TNKS2: variants seen among roughly 807,000 people sequenced by gnomAD.
TNKS2 encodes tankyrase 2.
Under a neutral mutation model 137.6 loss-of-function variants are expected in TNKS2, and 72 were observed. The observed-to-expected ratio is 0.52, with a 90% CI of 0.43 to 0.64. The LOEUF is 0.64. Ranked by LOEUF, TNKS2 falls within the 30% of genes least tolerant of loss-of-function variation. The probability of loss-of-function intolerance (pLI) is 0.00; values close to 1 mark genes in which losing one functional copy is unlikely to be tolerated. For synonymous variants in TNKS2, 516 were observed against 512.1 expected (o/e 1.01, Z -0.10); for missense variants, 1,049 against 1,410.2 (o/e 0.74, Z 4.10).
intron 12 of TNKS2, among the ~76,000 whole-genome samples, chr10:91,835,194 T>TG (rs200392865): frequency 7.5e-6 from 1 of 132,734 alleles, no homozygotes; most frequent in African/African-American, 2.6e-5. Context: ...TACTAGCAGA[T>TG]GGAAAAAAAA....
At chr10:91,825,813 G>A (rs1418670330) in intron 7 of TNKS2, among the ~76,000 whole-genome samples, 1 of 152,244 alleles carries the variant, frequency 6.6e-6, no homozygotes, top group Non-Finnish European at 1.5e-5. Flanking sequence ...TGTTAGCAAG[G>A]ATATGTAGCA....
intron 18 of TNKS2, among the ~76,000 whole-genome samples, chr10:91,846,851 A>G (rs1842390922): frequency 6.6e-6 from 1 of 152,164 alleles, no homozygotes. Flanking sequence ...TTCCACCCAT[A>G]TGTTAGTTGA....
chr10:91,846,500 G>T (rs543952756), intron 18 of TNKS2, among the ~76,000 whole-genome samples: 1 of 152,356 alleles, frequency 6.6e-6, no homozygotes, highest in African/African-American at 2.4e-5. Context: ...TGGAGCAGGT[G>T]TAGGAGCTTC....
intron 1 of TNKS2, chr10:91,807,093 A>T: frequency 6.9e-7 from 1 of 1,458,952 alleles, no homozygotes; most frequent in Non-Finnish European, 9.5e-7. Context: ...ACTTAGTTAC[A>T]TAAAGTACTT....
chr10:91,807,590 A>G (rs1844367254), intron 1 of TNKS2, among the ~76,000 whole-genome samples: 1 of 152,222 alleles, frequency 6.6e-6, no homozygotes, highest in Admixed American at 6.5e-5. Context: ...ATACTGTGAT[A>G]CCTTAATTCA....
In TNKS2 at chr10:91,798,686, G is replaced by C. The variant is rs917514216; in HGVS notation, c.-5G>C. On this transcript the variant is annotated 5_prime_UTR_variant, in exon 1 of 27. Transcript: ENST00000371627. ...CTGTTGCTGGCTGTGGCGGCGGCCA[G>C]GATCATGTCGGGTCGCCGCTGCGCC... 8.1e-7 allele frequency: 1 copy of C among 1,228,226 alleles called. No homozygotes were observed. 76.1% of individuals were successfully genotyped at this position (1,228,226 alleles called of 1,614,324 possible).
At chr10:91,826,157 A>G (rs568540213) in intron 7 of TNKS2, among the ~76,000 whole-genome samples, 2 of 152,352 alleles carry the variant, frequency 1.3e-5, no homozygotes, top group South Asian at 4.1e-4. Context: ...CGTTTCATAT[A>G]CACCTTATAC....
chr10:91,858,572 C>T (rs1039877816), intron 24 of TNKS2, among the ~76,000 whole-genome samples: 2 of 152,148 alleles, frequency 1.3e-5, no homozygotes, highest in Non-Finnish European at 2.9e-5. Flanking sequence ...CACTCTACTC[C>T]ACTCCCAAGG....
chr10:91,841,486 C>T (rs758570971), intron 15 of TNKS2, 38 bp downstream of exon 15: 34 of 1,497,532 alleles, frequency 2.3e-5, no homozygotes, highest in Non-Finnish European at 3.1e-5. Flanking sequence ...GTATGAATTA[C>T]ATAGCATATG....
At position 91,845,952 on chromosome 10, in the gene TNKS2, GC is replaced by G. The variant is rs751921709; in HGVS notation, c.2358+13del. ...TAGATTTAGTTTCAGTAAGTGATGG[GC>G]TTTTTGAAAAATCTCAGTGCTTTTC... On this transcript the variant is annotated intron_variant, in intron 18 of 26. Transcript: ENST00000371627. The G allele has an allele frequency of 6.6e-7, 1 of 1,503,874 alleles. No individual in the cohort carries two copies. Among genetic ancestry groups the G allele is most frequent in the Non-Finnish European group, 9.0e-7 (1 of 1,111,960 alleles). 93.2% of individuals were successfully genotyped at this position (1,503,874 alleles called of 1,614,324 possible).
intron 12 of TNKS2, among the ~76,000 whole-genome samples, chr10:91,835,084 T>A (rs1772179): frequency 0.52 from 78,536 of 151,916 alleles, 20,734 homozygotes; most frequent in East Asian, 0.72. Flanking sequence ...ATTCTTAATA[T>A]TTTCCTTGAG....
rs1397735215 is a variant in TNKS2 at position 91,806,062 on chromosome 10, T to A, written c.200-6921T>A. Among the ~76,000 whole-genome samples, 366 of 122,698 alleles carry A rather than the reference T, an allele frequency of 3.0e-3. 3 individuals carry two copies. The highest frequency in any genetic ancestry group is 0.011 in the African/African-American group (342 of 31,264). The allele number at this position is 122,698 out of a possible 152,430, so 80.5% of individuals were successfully genotyped here. On this transcript the variant is annotated intron_variant, in intron 1 of 26. Coordinates refer to ENST00000371627, the MANE Select transcript of TNKS2 (RefSeq NM_025235.4). ...TTTCTCTTTTTTTTTTTTTTTTTTT[T>A]ATATTTTATCTAATATTTTATTTAC...
intron 2 of TNKS2, 134 bp from the exon 3 acceptor site, chr10:91,817,000 C>T (rs1844724909): frequency 1.8e-6 from 1 of 561,088 alleles, no homozygotes; most frequent in African/African-American, 1.9e-5. Flanking sequence ...GTAACATTCC[C>T]ATTCTGACAA....
chr10:91,800,571 T>A (rs1844133530), intron 1 of TNKS2, among the ~76,000 whole-genome samples: 1 of 152,206 alleles, frequency 6.6e-6, no homozygotes, highest in Non-Finnish European at 1.5e-5. Flanking sequence ...GCATATTTTT[T>A]ACATAGGTTT....
At chr10:91,839,129 G>A (rs895726845) in intron 13 of TNKS2, among the ~76,000 whole-genome samples, 2 of 152,046 alleles carry the variant, frequency 1.3e-5, no homozygotes, top group African/African-American at 2.4e-5. Flanking sequence ...GCCTCCCAAC[G>A]TGCTGGGATT....
At chr10:91,847,579 G>GCTGGCCTCAAACTC (rs78217363) in intron 18 of TNKS2, among the ~76,000 whole-genome samples, 105,988 of 151,782 alleles carry the variant, frequency 0.7, 38,203 homozygotes, top group East Asian at 0.91. Flanking sequence ...TGTTGGCCAG[G>GCTGGCCTCAAACTC]CTGACCTCAA....
chr10:91,858,546 G>T (rs890800639), intron 24 of TNKS2, among the ~76,000 whole-genome samples: 2 of 152,104 alleles, frequency 1.3e-5, no homozygotes, highest in Non-Finnish European at 2.9e-5. Context: ...GTGGTTTTTT[G>T]ACTTTTTCCA....
chr10:91,812,261 T>C (rs560713554), intron 1 of TNKS2, among the ~76,000 whole-genome samples: 91 of 152,320 alleles, frequency 6.0e-4, no homozygotes, highest in Admixed American at 2.0e-3. Flanking sequence ...GTGCTAGATC[T>C]GTAAACCAGT....
At chr10:91,834,159 T>C (rs944796458) in intron 12 of TNKS2, 135 bp downstream of exon 12, 2 of 610,238 alleles carry the variant, frequency 3.3e-6, no homozygotes, top group Admixed American at 7.6e-5. Context: ...GTTATTATAC[T>C]TTTAATCAGC....
Sources: gnomAD v4.1 joint callset for allele counts (sites outside exome capture counted in the v4.1 genomes callset) on GRCh38, gnomAD v4.1.1 for gene constraint, MANE v1.5 for transcripts, NCBI Gene and HGNC (gene_info 2026-07-23, HGNC 2026-07-21) for gene names.